Variants in PIP4K2A observed in about 807,000 individuals in gnomAD.
The protein encoded by PIP4K2A is phosphatidylinositol-5-phosphate 4-kinase type 2 alpha, also known as phosphatidylinositol 5-phosphate 4-kinase type-2 alpha.
In PIP4K2A, 14 loss-of-function variants were observed where a neutral mutation model predicts 42.9. The ratio of observed to expected loss-of-function variants is 0.33; its 90% CI spans 0.22 to 0.51. The LOEUF (loss-of-function observed/expected upper bound fraction) is 0.51, where lower values mean the gene tolerates loss of function less well. PIP4K2A is among the 20% of genes least tolerant of loss of function. The pLI, the probability that PIP4K2A is intolerant of heterozygous loss-of-function variation, is 0.97. For missense variants in PIP4K2A, 434 were observed against 519.8 expected (o/e 0.83, Z 1.61); for synonymous variants, 192 against 192.2 (o/e 1.00, Z 0.01).
chr10:22,664,060 T>TATACACAC (rs570101374), intron 1 of PIP4K2A, among the ~76,000 whole-genome samples: 4 of 83,076 alleles, frequency 4.8e-5, no homozygotes, highest in South Asian at 2.9e-4. Context: ...TATGTATATA[T>TATACACAC]ACATATATAT....
chr10:22,646,948 CAAAACAAAACAAAAA>C (rs1382977865), intron 1 of PIP4K2A, among the ~76,000 whole-genome samples: 1 of 149,424 alleles, frequency 6.7e-6, no homozygotes, highest in Admixed American at 6.6e-5. Flanking sequence ...CAAAACAAAA[CAAAACAAAACAAAAA>C]AAAACAAACC....
chr10:22,551,539 G>A (rs1006005526), intron 6 of PIP4K2A, among the ~76,000 whole-genome samples: 3 of 152,236 alleles, frequency 2.0e-5, no homozygotes, highest in African/African-American at 4.8e-5. Context: ...ACTGTAGCTT[G>A]TATTGCAGCA....
At chr10:22,565,072 C>T (rs935025192) in intron 6 of PIP4K2A, among the ~76,000 whole-genome samples, 1 of 141,186 alleles carries the variant, frequency 7.1e-6, no homozygotes, top group Non-Finnish European at 1.6e-5. Flanking sequence ...GAGTGAGTGA[C>T]CCAGTGTCTC....
chr10:22,683,632 A>T (rs1033431372), intron 1 of PIP4K2A, among the ~76,000 whole-genome samples: 2 of 152,148 alleles, frequency 1.3e-5, no homozygotes, highest in Non-Finnish European at 2.9e-5. Context: ...TCAAGCAGCA[A>T]CTGCTTTCTT....
chr10:22,541,529 T>C (rs1242259852), intron 8 of PIP4K2A, among the ~76,000 whole-genome samples: 1 of 152,260 alleles, frequency 6.6e-6, no homozygotes, highest in Non-Finnish European at 1.5e-5. Flanking sequence ...TGTATGTGCA[T>C]ATGTACAGGT....
chr10:22,676,162 G>C (rs1839553730), intron 1 of PIP4K2A, among the ~76,000 whole-genome samples: 1 of 152,148 alleles, frequency 6.6e-6, no homozygotes, highest in Admixed American at 6.5e-5. Flanking sequence ...GACAGCAGAG[G>C]CTCAAAAACT....
intron 1 of PIP4K2A, among the ~76,000 whole-genome samples, chr10:22,630,985 A>G (rs1838535037): frequency 6.6e-6 from 1 of 152,206 alleles, no homozygotes; most frequent in Admixed American, 6.5e-5. Flanking sequence ...ACAAGAGAGT[A>G]GGTAGGAACT....
In PIP4K2A at chr10:22,535,530, AGTACGGCAGGG is replaced by A. The variant is rs1217980613; in HGVS notation, c.*1660_*1670del. 3.9e-5 allele frequency: 6 copies of A among 152,276 alleles called. No individual in the cohort carries two copies. Among genetic ancestry groups the A allele is most frequent in the African/African-American group, 1.4e-4 (6 of 41,480 alleles). 9.4% of individuals were successfully genotyped at this position (152,276 alleles called of 1,614,324 possible). On this transcript the variant is annotated 3_prime_UTR_variant, in exon 10 of 10. Transcript: ENST00000376573. ...CTGAAGTAAAGTTCCTGGAAAAGGC[AGTACGGCAGGG>A]AGATCTGTTGAGTTGCAAGTAATAA... is the stretch of plus-strand genomic sequence containing the variant.
intron 3 of PIP4K2A, among the ~76,000 whole-genome samples, chr10:22,607,421 T>C (rs1234688377): frequency 1.3e-5 from 2 of 152,176 alleles, no homozygotes; most frequent in African/African-American, 2.4e-5. Context: ...CACAGTGCTA[T>C]GGTCACTCCA....
intron 6 of PIP4K2A, among the ~76,000 whole-genome samples, chr10:22,558,936 T>A (rs1331610673): frequency 6.6e-6 from 1 of 152,210 alleles, no homozygotes; most frequent in Non-Finnish European, 1.5e-5. Flanking sequence ...ATTCCTTTTT[T>A]AATACTGTCA....
intron 1 of PIP4K2A, among the ~76,000 whole-genome samples, chr10:22,642,279 T>C (rs1293238225): frequency 1.3e-5 from 2 of 152,210 alleles, no homozygotes; most frequent in African/African-American, 4.8e-5. Flanking sequence ...CTCAGTCCTA[T>C]AGCACTTTCA....
intron 1 of PIP4K2A, chr10:22,646,229 G>A (rs1427505890): frequency 6.6e-6 from 1 of 152,226 alleles, no homozygotes; most frequent in Non-Finnish European, 1.5e-5. Context: ...CTTTGGGGAT[G>A]TGATGTGCCT....
At chr10:22,546,636 C>T (rs1836263862) in intron 7 of PIP4K2A, among the ~76,000 whole-genome samples, 2 of 152,138 alleles carry the variant, frequency 1.3e-5, no homozygotes, top group African/African-American at 4.8e-5. Context: ...TTCTCAAACT[C>T]CTGGGCTTAA....
chr10:22,707,598 C>T (rs1387127256), intron 1 of PIP4K2A, among the ~76,000 whole-genome samples: 1 of 152,188 alleles, frequency 6.6e-6, no homozygotes, highest in African/African-American at 2.4e-5. Flanking sequence ...AATAAAAGAA[C>T]TCAAAGAAAT....
rs150254345 is a variant in PIP4K2A, at chr10:22,705,426, TAAAAAAAAAAAAAAAAAAA to T, written c.144+8738_144+8756del. On this transcript the variant is annotated intron_variant, in intron 1 of 9. Coordinates refer to ENST00000376573, the MANE Select transcript of PIP4K2A (RefSeq NM_005028.5). ...TACGTATTATATTCAGTACCCCAGT[TAAAAAAAAAAAAAAAAAAA>T]AAAAAAAAAAAAAAAAAGGACAGAG... Among the ~76,000 whole-genome samples, 44 of 29,278 alleles carry T rather than the reference TAAAAAAAAAAAAAAAAAAA, an allele frequency of 1.5e-3. 1 individual carries two copies. Among genetic ancestry groups the T allele is most frequent in the South Asian group, 4.0e-3 (2 of 502 alleles). The allele number at this position is 29,278 out of a possible 152,430, so 19.2% of individuals were successfully genotyped here. A position where few individuals can be genotyped will look rare whatever the true frequency, so the allele number is the denominator to read the frequency against.
intron 1 of PIP4K2A, among the ~76,000 whole-genome samples, chr10:22,668,291 T>G (rs886802682): frequency 1.3e-5 from 2 of 152,190 alleles, no homozygotes; most frequent in African/African-American, 2.4e-5. Flanking sequence ...ATTCCCTGCA[T>G]TAAAATTTTA....
At chr10:22,596,473 C>T (rs1379866429) in intron 3 of PIP4K2A, among the ~76,000 whole-genome samples, 1 of 152,202 alleles carries the variant, frequency 6.6e-6, no homozygotes, top group Non-Finnish European at 1.5e-5. Flanking sequence ...AGCACATGAG[C>T]TCAGGGAAGG....
chr10:22,573,705 A>G (rs56128903), intron 4 of PIP4K2A, among the ~76,000 whole-genome samples: 221 of 152,360 alleles, frequency 1.5e-3, no homozygotes, highest in African/African-American at 5.1e-3. Flanking sequence ...TGGAATTTGT[A>G]TGGTCAAACC....
chr10:22,695,706 T>C (rs1004535314), intron 1 of PIP4K2A, among the ~76,000 whole-genome samples: 10 of 152,268 alleles, frequency 6.6e-5, no homozygotes, highest in South Asian at 2.1e-4. Context: ...ATACAAAACA[T>C]TGTATTTGTA....
Sources: allele counts gnomAD v4.1 joint callset (sites outside exome capture counted in the v4.1 genomes callset), GRCh38; gene constraint gnomAD v4.1.1; transcripts MANE v1.5; gene names NCBI Gene and HGNC (gene_info 2026-07-23, HGNC 2026-07-21).